The following DDX46 variants were observed in gnomAD, a reference collection of about 807,000 sequenced individuals.
DDX46 encodes the protein DEAD-box helicase 46.
Under a neutral mutation model 134.9 loss-of-function variants are expected in DDX46, and 30 were observed. The observed-to-expected ratio is 0.22, with a 90% CI of 0.17 to 0.30. DDX46 has a LOEUF of 0.30. Ranked by LOEUF, DDX46 falls within the 10% of genes least tolerant of loss-of-function variation. DDX46 has a pLI of 1.00. For missense variants in DDX46, 622 were observed against 1,248.7 expected, an observed-to-expected ratio of 0.50 and a Z score of 7.56; for synonymous variants, 415 against 404.1, an observed-to-expected ratio of 1.03 and a Z score of -0.32.
Position 134,830,211 on chromosome 5 carries a change from A to AT in DDX46, c.*1506dup, listed in dbSNP as rs1409876119. On this transcript the variant is annotated 3_prime_UTR_variant, in exon 23 of 23. Coordinates refer to ENST00000452510, the MANE Select transcript of DDX46 (RefSeq NM_001300860.2). Reference sequence around the variant, plus strand: ...AAAAAAAGAATGTAAAATTTTAAAAATACAGTTTAACAGCTGTAAAAGTTT... The same window carrying AT: ...AAAAAAAGAATGTAAAATTTTAAAAATTACAGTTTAACAGCTGTAAAAGTTT... 1.3e-5 allele frequency: 2 copies of AT among 152,008 alleles called. No individual in the cohort carries two copies. The highest frequency in any genetic ancestry group is 1.5e-5 in the Non-Finnish European group (1 of 67,982). 9.4% of individuals were successfully genotyped at this position (152,008 alleles called of 1,614,324 possible).
At chr5:134,765,235 A>T (rs562848151) in intron 2 of DDX46, among the ~76,000 whole-genome samples, 7 of 151,646 alleles carry the variant, frequency 4.6e-5, no homozygotes, top group African/African-American at 1.5e-4. Flanking sequence ...AGCCTGGATA[A>T]TTTTTGTATT....
chr5:134,790,650 C>T (rs1754472968), intron 13 of DDX46, 98 bp downstream of exon 13: 1 of 1,033,148 alleles, frequency 9.7e-7, no homozygotes, highest in African/African-American at 1.6e-5. Flanking sequence ...TTCACACACA[C>T]ACTTTTCTGT....
At chr5:134,789,312 A>T (rs1379257848) in intron 12 of DDX46, 1 of 152,228 alleles carries the variant, frequency 6.6e-6, no homozygotes, top group East Asian at 1.9e-4. Context: ...AATTGGGGCT[A>T]CAAATGCTAG....
At chr5:134,771,122 T>G (rs1753755134) in intron 4 of DDX46, 123 bp downstream of exon 4, 2 of 555,864 alleles carry the variant, frequency 3.6e-6, no homozygotes, top group Non-Finnish European at 6.3e-6. Context: ...CTGTCTTTCT[T>G]TCTGTCTTTC....
intron 6 of DDX46, among the ~76,000 whole-genome samples, chr5:134,778,176 G>A (rs1754007197): frequency 6.6e-6 from 1 of 151,834 alleles, no homozygotes; most frequent in African/African-American, 2.4e-5. Flanking sequence ...GCACCACCAT[G>A]CCTGGCTAAT....
intron 15 of DDX46, among the ~76,000 whole-genome samples, chr5:134,807,534 A>T (rs971731263): frequency 6.6e-6 from 1 of 152,212 alleles, no homozygotes; most frequent in Admixed American, 6.5e-5. Context: ...CTTATATAGA[A>T]GAAAGGGGGC....
chr5:134,827,151 G>A, intron 22 of DDX46, 131 bp downstream of exon 22: 1 of 792,400 alleles, frequency 1.3e-6, no homozygotes, highest in Non-Finnish European at 1.9e-6. Flanking sequence ...GCATACCAGT[G>A]TAGTCACTAC....
rs1254390741 is a variant in DDX46, at chr5:134,822,999, T to C, written c.2978-3948T>C. ...AAACTAAAAATAATACTGACTTTTATATTTACGTATGTAGCTATGAGTATT... is the reference window on the plus strand; with the variant it reads ...AAACTAAAAATAATACTGACTTTTACATTTACGTATGTAGCTATGAGTATT... On this transcript the variant is annotated intron_variant, in intron 21 of 22. Transcript: ENST00000452510. Among the ~76,000 whole-genome samples the C allele has an allele frequency of 2.0e-5, 3 of 152,276 alleles. No individual in the cohort carries two copies. The South Asian group carries it at 6.2e-4, about 32-fold the overall frequency.
chr5:134,800,418 C>G (rs976075877), intron 15 of DDX46, among the ~76,000 whole-genome samples: 9 of 152,108 alleles, frequency 5.9e-5, no homozygotes, highest in African/African-American at 2.2e-4. Context: ...AGTTCTTCCC[C>G]TTTTATTGCT....
At chr5:134,789,900 T>C (rs1754454739) in intron 12 of DDX46, among the ~76,000 whole-genome samples, 1 of 152,224 alleles carries the variant, frequency 6.6e-6, no homozygotes, top group Non-Finnish European at 1.5e-5. Flanking sequence ...TGTTTTGGTA[T>C]TTAAAGTTTT....
chr5:134,811,610 C>A (rs1419728949), intron 17 of DDX46, 86 bp from the exon 18 acceptor site: 1 of 1,415,956 alleles, frequency 7.1e-7, no homozygotes, highest in Non-Finnish European at 9.5e-7. Context: ...TTGACATACA[C>A]CACCTTGAAA....
At chr5:134,801,101 T>C (rs1251066621) in intron 15 of DDX46, among the ~76,000 whole-genome samples, 1 of 152,056 alleles carries the variant, frequency 6.6e-6, no homozygotes, top group Non-Finnish European at 1.5e-5. Context: ...CTGGGCAGCA[T>C]AGCAAGACCC....
Position 134,828,999 on chromosome 5 carries a change from T to G in DDX46, c.*293T>G, listed in dbSNP as rs1755664951. On this transcript the variant is annotated 3_prime_UTR_variant, in exon 23 of 23. Transcript: ENST00000452510. The stretch of plus-strand genomic sequence containing the variant: ...TCTAGAGGTTTAAAAAATGGAAATA[T>G]TTGAACTTTCTATTGAAGACAATAA... The G allele has an allele frequency of 4.5e-6, 1 of 223,276 alleles. No individual in the cohort carries two copies. The highest frequency in any genetic ancestry group is 8.6e-5 in the East Asian group (1 of 11,590). 13.8% of individuals were successfully genotyped at this position (223,276 alleles called of 1,614,324 possible).
At chr5:134,771,692 ACT>A (rs1162518272) in intron 4 of DDX46, among the ~76,000 whole-genome samples, 2 of 151,426 alleles carry the variant, frequency 1.3e-5, no homozygotes, top group Non-Finnish European at 2.9e-5. Context: ...ACAGAGCAAG[ACT>A]CTGTCTCAAA....
chr5:134,783,101 TTGC>T, intron 9 of DDX46, 36 bp downstream of exon 9: 1 of 1,607,598 alleles, frequency 6.2e-7, no homozygotes, highest in South Asian at 1.1e-5. Context: ...TTTCCGTGTC[TTGC>T]TGCTCAAAAT....
At chr5:134,821,743 C>T (rs1755459022) in intron 21 of DDX46, among the ~76,000 whole-genome samples, 1 of 149,152 alleles carries the variant, frequency 6.7e-6, no homozygotes, top group South Asian at 2.1e-4. Flanking sequence ...TTTTAGTAGA[C>T]ATGGGGTTTC....
At chr5:134,781,096 G>C in intron 6 of DDX46, 37 bp from the exon 7 acceptor site, 1 of 1,471,676 alleles carries the variant, frequency 6.8e-7, no homozygotes, top group Non-Finnish European at 9.1e-7. Context: ...TTGTGTTTCA[G>C]CTTTGCAAAA....
rs971239943 is a variant in DDX46 at position 134,758,802 on chromosome 5, A to G, written c.-137A>G. Reference sequence around the variant, plus strand: ...TCCTGTTTTCGTTGGCCGCGCTGGGATGGCCGCCACAGCTGTAGGTGCTGC... The same window carrying G: ...TCCTGTTTTCGTTGGCCGCGCTGGGGTGGCCGCCACAGCTGTAGGTGCTGC... On this transcript the variant is annotated 5_prime_UTR_variant, in exon 1 of 23. An upstream start codon of the reference 5' UTR is lost. Transcript: ENST00000452510. 2.2e-6 allele frequency: 3 copies of G among 1,390,612 alleles called. No individual in the cohort carries two copies. The highest frequency in any genetic ancestry group is 2.8e-5 in the African/African-American group (2 of 70,254). The allele number at this position is 1,390,612 out of a possible 1,614,324, so 86.1% of individuals were successfully genotyped here.
intron 20 of DDX46, 143 bp downstream of exon 20, chr5:134,817,857 T>C: frequency 1.4e-6 from 1 of 692,224 alleles, no homozygotes; most frequent in Non-Finnish European, 2.4e-6. Flanking sequence ...GAAATTTGAT[T>C]TTTATGAGTA....
Sources: allele counts gnomAD v4.1 joint callset (sites outside exome capture counted in the v4.1 genomes callset), GRCh38; gene constraint gnomAD v4.1.1; transcripts MANE v1.5; gene names NCBI Gene and HGNC (gene_info 2026-07-23, HGNC 2026-07-21).